VPS13D: variants seen among roughly 807,000 people sequenced by gnomAD.
VPS13D encodes the protein vacuolar protein sorting 13 homolog D.
In VPS13D, 187 loss-of-function variants were observed where a neutral mutation model predicts 461.9. That is an observed-to-expected ratio of 0.40 (90% CI 0.36 to 0.46). The LOEUF (loss-of-function observed/expected upper bound fraction) is 0.46. Ranked by LOEUF, VPS13D falls within the 20% of genes least tolerant of loss-of-function variation. The pLI is 0.60. For synonymous variants in VPS13D, 1,951 were observed against 1,986.3 expected (o/e 0.98, Z 0.47); for missense variants, 4,711 against 5,364.9 (o/e 0.88, Z 3.81).
intron 6 of VPS13D, among the ~76,000 whole-genome samples, chr1:12,252,120 G>T (rs1313140721): frequency 2.0e-5 from 3 of 151,996 alleles, no homozygotes; most frequent in African/African-American, 7.3e-5. Context: ...GTTAGATTAG[G>T]GCCTCCACTA....
intron 67 of VPS13D, among the ~76,000 whole-genome samples, chr1:12,482,780 C>T (rs1281132295): frequency 1.4e-5 from 2 of 145,350 alleles, no homozygotes; most frequent in Admixed American, 6.8e-5. Context: ...TATATGTATA[C>T]ATAGTATACA....
intron 6 of VPS13D, among the ~76,000 whole-genome samples, chr1:12,251,441 C>G (rs917281362): frequency 2.8e-4 from 43 of 152,330 alleles, no homozygotes; most frequent in Non-Finnish European, 1.8e-4. Context: ...ATTCCCTGTT[C>G]TGTGATCTCC....
At position 12,321,974 on chromosome 1, in the gene VPS13D, C is replaced by T. The variant is rs765620130; in HGVS notation, c.7704+10C>T. The T allele has an allele frequency of 1.2e-6, 2 of 1,613,020 alleles. No individual in the cohort carries two copies. The highest frequency in any genetic ancestry group is 2.2e-5 in the South Asian group (2 of 90,856). On this transcript the variant is annotated intron_variant, in intron 33 of 69. Coordinates refer to ENST00000620676, the MANE Select transcript of VPS13D (RefSeq NM_015378.4). ...CCCACCTGTCCTGGAGGTAATGATG[C>T]AAAATCTGTGCAATACGTTGATATG...
At chr1:12,426,257 C>T (rs769982130) in intron 65 of VPS13D, among the ~76,000 whole-genome samples, 24 of 152,138 alleles carry the variant, frequency 1.6e-4, no homozygotes, top group Non-Finnish European at 3.1e-4. Flanking sequence ...CCTTTCCTCC[C>T]GCCTGGCCTG....
intron 12 of VPS13D, among the ~76,000 whole-genome samples, chr1:12,261,547 A>T (rs1282314134): frequency 6.6e-6 from 1 of 152,244 alleles, no homozygotes; most frequent in Non-Finnish European, 1.5e-5. Context: ...GCACTAGCAC[A>T]TTAGCCACGT....
At chr1:12,321,628 C>G (rs1448106473) in intron 32 of VPS13D, among the ~76,000 whole-genome samples, 181 bp from the exon 33 acceptor site, 1 of 152,058 alleles carries the variant, frequency 6.6e-6, no homozygotes, top group Non-Finnish European at 1.5e-5. Context: ...CTGGGTGAAC[C>G]ACTGCGTGTG....
chr1:12,471,868 AGTTTCC>A (rs973045820), intron 67 of VPS13D, among the ~76,000 whole-genome samples: 1 of 152,012 alleles, frequency 6.6e-6, no homozygotes, highest in Non-Finnish European at 1.5e-5. Flanking sequence ...ATGCTTATTT[AGTTTCC>A]ACATTTTTTT....
At chr1:12,311,990 T>A (rs1419036607) in intron 29 of VPS13D, 65 bp downstream of exon 29, 2 of 1,375,722 alleles carry the variant, frequency 1.5e-6, no homozygotes, top group African/African-American at 2.9e-5. Context: ...ATGTTTTGCA[T>A]TGACACAGAG....
intron 35 of VPS13D, among the ~76,000 whole-genome samples, chr1:12,325,744 A>G (rs1643164449): frequency 6.6e-6 from 1 of 152,228 alleles, no homozygotes; most frequent in Non-Finnish European, 1.5e-5. Flanking sequence ...TTCCCATGTC[A>G]TTGAAATTAT....
At position 12,247,806 on chromosome 1, in the gene VPS13D, C is replaced by T. The variant is rs559972172; in HGVS notation, c.448-1417C>T. Among the ~76,000 whole-genome samples the T allele has an allele frequency of 4.6e-5, 7 of 151,150 alleles. No individual in the cohort carries two copies. In the East Asian group the frequency reaches 7.8e-4, roughly 17 times the overall value. On this transcript the variant is annotated intron_variant, in intron 5 of 69. Transcript: ENST00000620676. ...GCAACCTCCGCCTCCCGGATTCAAGCGATTCTCCTGGCTCAGCCTCACGAG... is the reference window on the plus strand; with the variant it reads ...GCAACCTCCGCCTCCCGGATTCAAGTGATTCTCCTGGCTCAGCCTCACGAG...
intron 43 of VPS13D, 126 bp downstream of exon 43, chr1:12,345,635 G>T (rs1173100988): frequency 7.6e-7 from 1 of 1,311,140 alleles, no homozygotes; most frequent in East Asian, 2.4e-5. Flanking sequence ...GGACTGACTG[G>T]GTCAGTCATA....
intron 43 of VPS13D, among the ~76,000 whole-genome samples, chr1:12,345,791 G>C (rs1643662801): frequency 6.6e-6 from 1 of 152,210 alleles, no homozygotes; most frequent in East Asian, 1.9e-4. Context: ...CTAGTCTGCT[G>C]AACCTGAGTC....
chr1:12,391,536 C>T (rs1237845961), intron 60 of VPS13D, among the ~76,000 whole-genome samples: 1 of 152,142 alleles, frequency 6.6e-6, no homozygotes, highest in Non-Finnish European at 1.5e-5. Flanking sequence ...GTGTACGACC[C>T]ACTTTATGGC....
At chr1:12,503,340 TTTC>T (rs1244442876) in intron 68 of VPS13D, among the ~76,000 whole-genome samples, 48 of 151,820 alleles carry the variant, frequency 3.2e-4, no homozygotes, top group Admixed American at 1.3e-3. Context: ...AACTTTTTTC[TTTC>T]TTCTTCTTCT....
At chr1:12,405,511 C>T (rs577743976) in intron 63 of VPS13D, among the ~76,000 whole-genome samples, 1 of 152,106 alleles carries the variant, frequency 6.6e-6, no homozygotes, top group Non-Finnish European at 1.5e-5. Context: ...TGGGGCCAAG[C>T]CACAGGGAGT....
intron 50 of VPS13D, 28 bp downstream of exon 50, chr1:12,358,629 A>G (rs777095935): frequency 6.2e-6 from 10 of 1,611,710 alleles, no homozygotes; most frequent in Admixed American, 5.0e-5. Flanking sequence ...CAGCGGGACA[A>G]TCAGAACCAT....
chr1:12,304,575 G>C lies in VPS13D; in HGVS notation c.6286G>C (p.Glu2096Gln), dbSNP rs376949159. The C allele has an allele frequency of 2.5e-5, 40 of 1,614,076 alleles. No individual in the cohort carries two copies. Among genetic ancestry groups the C allele is most frequent in the Non-Finnish European group, 3.2e-5 (38 of 1,180,016 alleles). Residue 2096 changes from glutamate (E) to glutamine (Q), a missense_variant, in exon 26 of 70, where the codon GAG (glutamate) becomes CAG (glutamine). Physicochemically the swap from Glu to Gln is conservative, Grantham distance 29. This residue lies in a region of VPS13D where 4,411 missense variants were observed against 4,937.8 expected (regional missense o/e 0.89). Transcript: ENST00000620676. ...HSLRKTTSTE[E>Q]PRGTHSQGQF... Reference sequence around the variant, plus strand: ...TCTGAGGAAAACGACAAGCACGGAGGAGCCCAGGGGAACCCATTCCCAGGG... The same window carrying C: ...TCTGAGGAAAACGACAAGCACGGAGCAGCCCAGGGGAACCCATTCCCAGGG...
intron 44 of VPS13D, among the ~76,000 whole-genome samples, chr1:12,347,890 T>C (rs1357712079): frequency 4.6e-5 from 7 of 152,212 alleles, no homozygotes; most frequent in Non-Finnish European, 2.9e-5. Flanking sequence ...ACAAAATGTG[T>C]GTTGAATGTG....
At chr1:12,480,189 A>G (rs1035508437) in intron 67 of VPS13D, among the ~76,000 whole-genome samples, 3 of 152,232 alleles carry the variant, frequency 2.0e-5, no homozygotes, top group Non-Finnish European at 2.9e-5. Context: ...GTCACAGAAT[A>G]GCAGTGACAC....
Sources: gnomAD v4.1 joint callset for allele counts (sites outside exome capture counted in the v4.1 genomes callset) on GRCh38, gnomAD v4.1.1 for gene constraint, gnomAD v4.1.1 regional missense constraint, MANE v1.5 for transcripts, NCBI Gene and HGNC (gene_info 2026-07-23, HGNC 2026-07-21) for gene names.